Variants in IL1R1 observed in about 807,000 individuals in gnomAD.
IL1R1 encodes interleukin-1 receptor type 1.
Under a neutral mutation model 50.2 loss-of-function variants are expected in IL1R1, and 22 were observed. The observed-to-expected ratio is 0.44, with a 90% CI of 0.31 to 0.63. The LOEUF (loss-of-function observed/expected upper bound fraction) is 0.63, where lower values mean the gene tolerates loss of function less well. Among genes scored for constraint, IL1R1 ranks in the 20% least tolerant of loss-of-function variants. The pLI is 0.07. For missense variants in IL1R1, 509 were observed against 676.2 expected, an observed-to-expected ratio of 0.75 and a Z score of 2.74; for synonymous variants, 251 against 236.7, an observed-to-expected ratio of 1.06 and a Z score of -0.55.
intron 1 of IL1R1, among the ~76,000 whole-genome samples, chr2:102,108,796 C>T (rs567798655): frequency 2.0e-5 from 3 of 151,846 alleles, no homozygotes; most frequent in South Asian, 2.1e-4. Flanking sequence ...AATGGAGAAC[C>T]CTGTCTTTAT....
At chr2:102,099,453 C>A (rs1680044201) in intron 1 of IL1R1, among the ~76,000 whole-genome samples, 1 of 152,150 alleles carries the variant, frequency 6.6e-6, no homozygotes, top group South Asian at 2.1e-4. Context: ...GGACGTCTAT[C>A]CCATGGCCTT....
rs1409981170 is a variant in IL1R1, at chr2:102,175,554, T to C, written c.1212T>C (p.Asp404=). 1 of 1,613,654 alleles carries C rather than the reference T, an allele frequency of 6.2e-7. No individual in the cohort carries two copies. Among genetic ancestry groups the C allele is most frequent in the Admixed American group, 1.7e-5 (1 of 60,012 alleles). The change falls in exon 11 of 12, where the codon GAT becomes GAC. Residue 404 remains aspartate (D), a synonymous_variant. Transcript: ENST00000410023. ...TVGEGSTSDC[D]IFVFKVLPEV... ...GGGAAGGGTCTACCTCTGACTGTGATATTTTTGTGTTTAAAGTCTTGCCTG... is the reference window on the plus strand; with the variant it reads ...GGGAAGGGTCTACCTCTGACTGTGACATTTTTGTGTTTAAAGTCTTGCCTG...
At chr2:102,132,402 A>G (rs1388033730) in intron 1 of IL1R1, among the ~76,000 whole-genome samples, 2 of 152,182 alleles carry the variant, frequency 1.3e-5, no homozygotes, top group Non-Finnish European at 2.9e-5. Context: ...ATGAAACTAT[A>G]CTATTTTAGG....
chr2:102,073,003 G>T (rs1678800620), intron 1 of IL1R1, among the ~76,000 whole-genome samples: 1 of 152,066 alleles, frequency 6.6e-6, no homozygotes, highest in Non-Finnish European at 1.5e-5. Context: ...TTCTCTTTGG[G>T]TCTGGAATAC....
chr2:102,172,439 T>G (rs1326092269), intron 8 of IL1R1: 1 of 984,948 alleles, frequency 1.0e-6, no homozygotes, highest in Non-Finnish European at 1.2e-6. Context: ...TTTGTCTACA[T>G]TTTTCTTCTT....
chr2:102,139,883 T>C (rs1682547165), upstream of IL1R1, among the ~76,000 whole-genome samples: 1 of 152,126 alleles, frequency 6.6e-6, no homozygotes, highest in African/African-American at 2.4e-5. Context: ...TTTCCCAGTT[T>C]CAGGTATTTT....
At chr2:102,108,945 GAATAATAATAATAATAATAATAATAAT>G (rs147984449) in intron 1 of IL1R1, among the ~76,000 whole-genome samples, 8 of 145,428 alleles carry the variant, frequency 5.5e-5, no homozygotes, top group African/African-American at 2.0e-4. Flanking sequence ...ACTTGGTACT[GAATAATAATAATAATAATAATAATAAT>G]AATAATAATA....
intron 1 of IL1R1, among the ~76,000 whole-genome samples, chr2:102,072,295 T>C (rs1398783113): frequency 1.3e-5 from 2 of 151,904 alleles, no homozygotes; most frequent in Non-Finnish European, 2.9e-5. Context: ...ATTCGTACAC[T>C]TTACATATAG....
At chr2:102,142,636 T>C (rs1257611360), upstream of IL1R1, 5 of 150,578 alleles carry the variant, frequency 3.3e-5, no homozygotes, top group Non-Finnish European at 7.4e-5. Context: ...GGGTGGAGAG[T>C]TGGGACACCC....
intron 1 of IL1R1, among the ~76,000 whole-genome samples, chr2:102,122,430 C>T (rs1369040968): frequency 1.3e-5 from 2 of 152,014 alleles, no homozygotes; most frequent in East Asian, 1.9e-4. Flanking sequence ...TGCACACATG[C>T]GCACAGAATA....
chr2:102,075,405 G>A (rs1678915534), intron 1 of IL1R1, among the ~76,000 whole-genome samples: 1 of 152,094 alleles, frequency 6.6e-6, no homozygotes, highest in African/African-American at 2.4e-5. Flanking sequence ...GAGCTGGCGG[G>A]GAGCTATGGT....
At chr2:102,148,471 G>C (rs1001768940) in intron 1 of IL1R1, among the ~76,000 whole-genome samples, 4 of 152,168 alleles carry the variant, frequency 2.6e-5, no homozygotes, top group African/African-American at 4.8e-5. Flanking sequence ...AAAAGCAAAG[G>C]CTCAACCTAG....
At chr2:102,081,787 G>A (rs549721837) in intron 1 of IL1R1, among the ~76,000 whole-genome samples, 2 of 152,332 alleles carry the variant, frequency 1.3e-5, no homozygotes, top group African/African-American at 4.8e-5. Flanking sequence ...GGGCTTAATG[G>A]TTGAGCAACT....
chr2:102,083,929 G>A (rs1023375773), intron 1 of IL1R1, among the ~76,000 whole-genome samples: 20 of 134,608 alleles, frequency 1.5e-4, no homozygotes, highest in African/African-American at 4.2e-4. Flanking sequence ...AAGCGACTGA[G>A]CAAGACTCCG....
chr2:102,122,980 T>C (rs1681482122), intron 1 of IL1R1, among the ~76,000 whole-genome samples: 1 of 152,240 alleles, frequency 6.6e-6, no homozygotes, highest in Non-Finnish European at 1.5e-5. Context: ...TCTTTTAGGC[T>C]CATGCCTGTA....
chr2:102,111,873 T>C (rs1680785090), intron 1 of IL1R1, among the ~76,000 whole-genome samples: 1 of 152,142 alleles, frequency 6.6e-6, no homozygotes, highest in African/African-American at 2.4e-5. Context: ...TTTAGAAAGA[T>C]AGAGGTGACC....
In IL1R1 at chr2:102,179,026, A is replaced by G. The variant is rs1686369797; in HGVS notation, c.*2267A>G. 1 of 152,376 alleles carries G rather than the reference A, an allele frequency of 6.6e-6. No homozygotes were observed. Among genetic ancestry groups the G allele is most frequent in the Non-Finnish European group, 1.5e-5 (1 of 68,044 alleles). The allele number at this position is 152,376 out of a possible 1,614,324, so 9.4% of individuals were successfully genotyped here. A position where few individuals can be genotyped will look rare whatever the true frequency, so the allele number is the denominator to read the frequency against. On this transcript the variant is annotated 3_prime_UTR_variant, in exon 12 of 12. Transcript: ENST00000410023. ...CTCCTGGGCCCGCTTTGCCTGCTTGAAGGAACAGTGCTGTTCTGGAGCTGC... is the reference window on the plus strand; with the variant it reads ...CTCCTGGGCCCGCTTTGCCTGCTTGGAGGAACAGTGCTGTTCTGGAGCTGC...
intron 3 of IL1R1, among the ~76,000 whole-genome samples, chr2:102,161,956 C>G (rs1045562008): frequency 6.6e-6 from 1 of 152,128 alleles, no homozygotes; most frequent in Non-Finnish European, 1.5e-5. Context: ...CCCGCCTCAG[C>G]CTTGCAAAGT....
intron 1 of IL1R1, among the ~76,000 whole-genome samples, chr2:102,092,818 C>T (rs1214779610): frequency 2.0e-5 from 3 of 152,148 alleles, no homozygotes; most frequent in Non-Finnish European, 4.4e-5. Flanking sequence ...TGCTTTTCCG[C>T]TCTCTAGTTC....
Sources: allele counts gnomAD v4.1 joint callset (sites outside exome capture counted in the v4.1 genomes callset), GRCh38; gene constraint gnomAD v4.1.1; transcripts MANE v1.5; gene names NCBI Gene and HGNC (gene_info 2026-07-23, HGNC 2026-07-21).